The following FANCC variants were observed in gnomAD, a reference collection of about 807,000 sequenced individuals.
The protein encoded by FANCC is Fanconi anemia group C protein.
In FANCC, 55 loss-of-function variants were observed where a neutral mutation model predicts 71.3. The observed-to-expected ratio is 0.77, with a 90% CI of 0.62 to 0.97. The LOEUF (loss-of-function observed/expected upper bound fraction) is 0.97, where lower values mean the gene tolerates loss of function less well. Among genes scored for constraint, FANCC ranks in the 50% least tolerant of loss-of-function variants. The pLI, the probability that FANCC is intolerant of heterozygous loss-of-function variation, is 0.00. For missense variants in FANCC, 678 were observed against 670.9 expected (o/e 1.01, Z -0.12); for synonymous variants, 275 against 244.9 (o/e 1.12, Z -1.15).
intron 1 of FANCC, among the ~76,000 whole-genome samples, chr9:95,284,162 C>G (rs2136279760): frequency 6.6e-6 from 1 of 152,330 alleles, no homozygotes; most frequent in Admixed American, 6.5e-5. Context: ...GCCTAAACAC[C>G]TGTCGGCAAA....
intron 1 of FANCC, among the ~76,000 whole-genome samples, chr9:95,276,638 GACA>G (rs978587373): frequency 4.6e-5 from 7 of 152,174 alleles, no homozygotes; most frequent in South Asian, 4.1e-4. Context: ...TCTCAAGAAC[GACA>G]ACAACAAAAA....
At chr9:95,165,793 C>T (rs899648640) in intron 6 of FANCC, among the ~76,000 whole-genome samples, 2 of 151,872 alleles carry the variant, frequency 1.3e-5, no homozygotes, top group Non-Finnish European at 2.9e-5. Context: ...CTATTAGGTC[C>T]AATTGGTCCA....
At chr9:95,269,741 G>A (rs894285179) in intron 1 of FANCC, among the ~76,000 whole-genome samples, 4 of 152,066 alleles carry the variant, frequency 2.6e-5, no homozygotes, top group African/African-American at 7.2e-5. Context: ...TGTTTTATTG[G>A]TCTGAGAGGG....
chr9:95,199,791 G>A (rs1827695150), intron 4 of FANCC, among the ~76,000 whole-genome samples: 1 of 152,148 alleles, frequency 6.6e-6, no homozygotes, highest in Admixed American at 6.5e-5. Context: ...TGGCTCTGCT[G>A]TTTAGGTGAA....
intron 1 of FANCC, among the ~76,000 whole-genome samples, chr9:95,316,511 A>G (rs1048684514): frequency 6.6e-6 from 1 of 152,226 alleles, no homozygotes; most frequent in African/African-American, 2.4e-5. Context: ...GGGTGGCCCA[A>G]AAGTGCTCTG....
At chr9:95,145,650 G>A (rs1013286697) in intron 7 of FANCC, 3 of 152,182 alleles carry the variant, frequency 2.0e-5, no homozygotes, top group African/African-American at 7.2e-5. Context: ...CACAGTTGAT[G>A]CCAGCACTAA....
intron 4 of FANCC, among the ~76,000 whole-genome samples, chr9:95,210,574 C>T (rs1828433292): frequency 6.6e-6 from 1 of 152,022 alleles, no homozygotes; most frequent in Admixed American, 6.5e-5. Context: ...AACAATCCTA[C>T]GAGGTGGTAA....
At chr9:95,292,744 G>C in intron 1 of FANCC, 3 of 1,375,618 alleles carry the variant, frequency 2.2e-6, no homozygotes, top group Non-Finnish European at 3.1e-6. Context: ...CCAATCGAAG[G>C]CTGCCCCAGA....
At chr9:95,103,754 G>A (rs114825661) in intron 14 of FANCC, among the ~76,000 whole-genome samples, 2,054 of 152,334 alleles carry the variant, frequency 0.013, 54 homozygotes, top group African/African-American at 0.046. Flanking sequence ...CCAGGTGCCT[G>A]GAGAAGAGCC....
intron 6 of FANCC, among the ~76,000 whole-genome samples, chr9:95,154,104 G>A (rs1288468786): frequency 3.9e-5 from 6 of 151,938 alleles, no homozygotes; most frequent in Non-Finnish European, 8.8e-5. Flanking sequence ...AAATTAGCCA[G>A]GCATGGTGGT....
At chr9:95,194,733 T>C (rs1366176377) in intron 4 of FANCC, among the ~76,000 whole-genome samples, 2 of 152,204 alleles carry the variant, frequency 1.3e-5, no homozygotes, top group Non-Finnish European at 2.9e-5. Flanking sequence ...TGAGATTTCT[T>C]GATTATCTAG....
At chr9:95,159,624 G>C (rs1830636307) in intron 6 of FANCC, among the ~76,000 whole-genome samples, 1 of 152,182 alleles carries the variant, frequency 6.6e-6, no homozygotes, top group Non-Finnish European at 1.5e-5. Flanking sequence ...TTCCACAATG[G>C]TTGAACTAGT....
chr9:95,141,985 G>GGTT (rs1292821840), intron 7 of FANCC, among the ~76,000 whole-genome samples: 1 of 83,138 alleles, frequency 1.2e-5, no homozygotes, highest in African/African-American at 4.8e-5. Context: ...AGTTTGTGGG[G>GGTT]TTTTTTTTTT....
At chr9:95,102,866 C>T (rs2071167608) in intron 14 of FANCC, among the ~76,000 whole-genome samples, 1 of 152,246 alleles carries the variant, frequency 6.6e-6, no homozygotes, top group South Asian at 2.1e-4. Context: ...CGTTCGCTCT[C>T]CTCGGCCCCC....
intron 1 of FANCC, among the ~76,000 whole-genome samples, chr9:95,271,165 C>T (rs529265743): frequency 2.9e-4 from 44 of 152,278 alleles, no homozygotes; most frequent in African/African-American, 1.0e-3. Context: ...CCAGGTACAC[C>T]GCTGAACATC....
At chr9:95,274,111 G>C (rs923969479) in intron 1 of FANCC, among the ~76,000 whole-genome samples, 1 of 152,116 alleles carries the variant, frequency 6.6e-6, no homozygotes, top group Non-Finnish European at 1.5e-5. Context: ...CGCCATGGTG[G>C]TTTGCTGCAC....
At chr9:95,234,568 T>C (rs1218861912) in intron 4 of FANCC, among the ~76,000 whole-genome samples, 3 of 152,254 alleles carry the variant, frequency 2.0e-5, no homozygotes, top group South Asian at 2.1e-4. Context: ...AACTTCCTCC[T>C]GGATAGCAAG....
chr9:95,311,269 A>C (rs1835385735), intron 1 of FANCC, among the ~76,000 whole-genome samples: 1 of 151,996 alleles, frequency 6.6e-6, no homozygotes, highest in South Asian at 2.1e-4. Flanking sequence ...GGAGTTAATA[A>C]GGAAATCTAT....
chr9:95,255,265 A>C (rs953562876), intron 1 of FANCC, among the ~76,000 whole-genome samples: 1 of 152,178 alleles, frequency 6.6e-6, no homozygotes, highest in East Asian at 1.9e-4. Context: ...TGACAAGGAG[A>C]CACTTCCAAG....
Sources: gnomAD v4.1 joint callset for allele counts (sites outside exome capture counted in the v4.1 genomes callset) on GRCh38, gnomAD v4.1.1 for gene constraint, MANE v1.5 for transcripts, NCBI Gene and HGNC (gene_info 2026-07-23, HGNC 2026-07-21) for gene names.